DNAJC13: variants seen among roughly 807,000 people sequenced by gnomAD.
The protein encoded by DNAJC13 is DnaJ heat shock protein family (Hsp40) member C13, also known as dnaJ homolog subfamily C member 13.
Under a neutral mutation model 290.5 loss-of-function variants are expected in DNAJC13, and 75 were observed. The ratio of observed to expected loss-of-function variants is 0.26; its 90% CI spans 0.21 to 0.31. DNAJC13 has a LOEUF of 0.31. Ranked by LOEUF, DNAJC13 falls within the 10% of genes least tolerant of loss-of-function variation. The probability of loss-of-function intolerance (pLI) is 1.00; values close to 1 mark genes in which losing one functional copy is unlikely to be tolerated. For synonymous variants in DNAJC13, 862 were observed against 892.0 expected (o/e 0.97, Z 0.60); for missense variants, 2,260 against 2,674.5 (o/e 0.85, Z 3.42).
intron 20 of DNAJC13, among the ~76,000 whole-genome samples, chr3:132,469,963 CTTTTTTTTTTTTTTTTT>C (rs61726289): frequency 1.6e-5 from 1 of 61,154 alleles, no homozygotes; most frequent in African/African-American, 5.6e-5. Context: ...AGCAGAGATT[CTTTTTTTTTTTTTTTTT>C]TTTTTTTTTT....
At chr3:132,523,900 TA>T in intron 51 of DNAJC13, 187 bp downstream of exon 51, 1 of 564,992 alleles carries the variant, frequency 1.8e-6, no homozygotes, top group Non-Finnish European at 3.0e-6. Context: ...TGAAGCTCTT[TA>T]GTATGTTTAT....
intron 2 of DNAJC13, among the ~76,000 whole-genome samples, chr3:132,438,478 C>T (rs559085468): frequency 6.6e-6 from 1 of 152,178 alleles, no homozygotes; most frequent in South Asian, 2.1e-4. Flanking sequence ...AGAAACATGT[C>T]TACGTACAAC....
At position 132,505,370 on chromosome 3, in the gene DNAJC13, A is replaced by G. The variant is rs773359007; in HGVS notation, c.4953A>G (p.Glu1651=). 8.7e-6 allele frequency: 14 copies of G among 1,610,754 alleles called. 1 individual carries two copies. The South Asian group carries it at 1.4e-4, about 17-fold the overall frequency. ...TATGGAACAATTCTACAAGAGCAGA[A>G]TTACTTGAATTTCTTGAATCCCAAC... ...YLIWNNSTRA[E]LLEFLESQQE... The change falls in exon 42 of 56, where the codon GAA becomes GAG. Residue 1651 remains glutamate, a synonymous_variant. Transcript: ENST00000260818.
At chr3:132,521,727 C>T (rs1345931304) in intron 48 of DNAJC13, among the ~76,000 whole-genome samples, 1 of 152,174 alleles carries the variant, frequency 6.6e-6, no homozygotes, top group Non-Finnish European at 1.5e-5. Context: ...CTCTTGTCCT[C>T]TGTAGAGTTT....
rs1933639903 is a variant in DNAJC13, at chr3:132,457,289, T to C, written c.1370T>C (p.Val457Ala). The C allele has an allele frequency of 6.2e-7, 1 of 1,612,102 alleles. No individual in the cohort carries two copies. The highest frequency in any genetic ancestry group is 1.3e-5 in the African/African-American group (1 of 74,776). ...QLPKFRERLGVKVVKALKRSN... is the reference protein window; with the variant it reads ...QLPKFRERLGAKVVKALKRSN... The stretch of plus-strand genomic sequence containing the variant: ...AAAAGGTTTCGCGAGCGTCTAGGGG[T>C]GAAGGTAGTAAAAGCACTCAAAAGA... Residue 457 changes from valine (V) to alanine (A), a missense_variant, in exon 13 of 56, where the codon GTG becomes GCG. Around this residue, in one of 3 missense-constraint regions of DNAJC13, gnomAD observed 762 missense variants for 964.1 expected, o/e 0.79. Transcript: ENST00000260818.
chr3:132,461,742 A>C (rs1933805062), intron 15 of DNAJC13, among the ~76,000 whole-genome samples: 1 of 151,954 alleles, frequency 6.6e-6, no homozygotes, highest in Non-Finnish European at 1.5e-5. Context: ...CCCAGACTGG[A>C]GTGCGGTGAT....
intron 17 of DNAJC13, among the ~76,000 whole-genome samples, chr3:132,464,785 C>G (rs1279415178): frequency 6.6e-6 from 1 of 152,130 alleles, no homozygotes; most frequent in African/African-American, 2.4e-5. Context: ...TTAACCCCTC[C>G]CCATGTTAAA....
chr3:132,472,505 C>T, intron 20 of DNAJC13: 4 of 938,580 alleles, frequency 4.3e-6, no homozygotes, highest in Non-Finnish European at 5.1e-6. Flanking sequence ...GATCTAGGCT[C>T]ATTCTCTTTT....
At chr3:132,507,768 C>G (rs148073288) in intron 43 of DNAJC13, among the ~76,000 whole-genome samples, 2 of 152,152 alleles carry the variant, frequency 1.3e-5, no homozygotes, top group Non-Finnish European at 1.5e-5. Context: ...TCTCCTCTGG[C>G]CTCCCTATTC....
intron 34 of DNAJC13, among the ~76,000 whole-genome samples, chr3:132,494,636 T>C (rs1390766970): frequency 6.6e-6 from 1 of 152,158 alleles, no homozygotes; most frequent in Non-Finnish European, 1.5e-5. Flanking sequence ...TGACAGATTA[T>C]GAAAGAATGC....
chr3:132,433,536 G>C (rs1939294491), intron 1 of DNAJC13, among the ~76,000 whole-genome samples: 1 of 152,166 alleles, frequency 6.6e-6, no homozygotes, highest in Non-Finnish European at 1.5e-5. Flanking sequence ...CTCAGCCTCA[G>C]AATGGCTGGG....
intron 22 of DNAJC13, 84 bp downstream of exon 22, chr3:132,475,169 T>C (rs1221006093): frequency 1.5e-5 from 15 of 1,015,750 alleles, no homozygotes; most frequent in Non-Finnish European, 2.0e-5. Flanking sequence ...AAAAAATTTG[T>C]AATTACATAT....
intron 12 of DNAJC13, 113 bp downstream of exon 12, chr3:132,456,945 GT>G: frequency 8.5e-7 from 1 of 1,175,216 alleles, no homozygotes; most frequent in Non-Finnish European, 1.2e-6. Flanking sequence ...CTTTTATAGG[GT>G]GATATGGTAC....
chr3:132,464,249 A>AT (rs1037868118), intron 17 of DNAJC13, among the ~76,000 whole-genome samples: 7 of 152,184 alleles, frequency 4.6e-5, no homozygotes, highest in Non-Finnish European at 8.8e-5. Context: ...AAAACCTTAC[A>AT]TATCCAGCCT....
intron 5 of DNAJC13, among the ~76,000 whole-genome samples, chr3:132,449,347 G>A (rs1238633406): frequency 3.2e-4 from 48 of 152,140 alleles, no homozygotes; most frequent in Non-Finnish European, 2.9e-5. Flanking sequence ...AGTTGTTTAT[G>A]AGCTGGGAGG....
At chr3:132,533,806 C>T (rs944086685) in intron 55 of DNAJC13, among the ~76,000 whole-genome samples, 3 of 152,124 alleles carry the variant, frequency 2.0e-5, no homozygotes, top group Non-Finnish European at 2.9e-5. Flanking sequence ...AACATATGTC[C>T]TTGACTTACA....
intron 31 of DNAJC13, among the ~76,000 whole-genome samples, chr3:132,490,086 A>G (rs1935015372): frequency 6.6e-6 from 1 of 152,224 alleles, no homozygotes; most frequent in Non-Finnish European, 1.5e-5. Context: ...GCAATTCTTT[A>G]CCCAAAAGTT....
chr3:132,538,359 C>G lies in DNAJC13; in HGVS notation c.*77C>G, dbSNP rs1017640050. The stretch of plus-strand genomic sequence containing the variant: ...CCTCCAGCTGATACGTTGAAGCAAA[C>G]TCTTACTGCCTTTCTCCTGGTTTCA... On this transcript the variant is annotated 3_prime_UTR_variant, in exon 56 of 56. Transcript: ENST00000260818. The G allele has an allele frequency of 1.7e-5, 18 of 1,043,684 alleles. No individual in the cohort carries two copies. In the African/African-American group the frequency reaches 1.7e-4, roughly 10 times the overall value. The allele number at this position is 1,043,684 out of a possible 1,614,324, so 64.7% of individuals were successfully genotyped here. A position where few individuals can be genotyped will look rare whatever the true frequency, so the allele number is the denominator to read the frequency against.
intron 48 of DNAJC13, among the ~76,000 whole-genome samples, chr3:132,520,793 T>G (rs1030883743): frequency 2.6e-5 from 4 of 152,216 alleles, no homozygotes; most frequent in Admixed American, 2.6e-4. Flanking sequence ...CATTTGAAAT[T>G]CACCCAACTG....
Sources: allele counts gnomAD v4.1 joint callset (sites outside exome capture counted in the v4.1 genomes callset), GRCh38; gene constraint gnomAD v4.1.1; regional missense constraint gnomAD v4.1.1; transcripts MANE v1.5; gene names NCBI Gene and HGNC (gene_info 2026-07-23, HGNC 2026-07-21).